The following ST7 variants were observed in gnomAD, a reference collection of about 807,000 sequenced individuals.
The protein encoded by ST7 is suppression of tumorigenicity 7, also known as suppressor of tumorigenicity 7 protein.
In ST7, 28 loss-of-function variants were observed where a neutral mutation model predicts 78.7. That is an observed-to-expected ratio of 0.36 (90% confidence interval 0.26 to 0.49). The LOEUF is 0.49. Among genes scored for constraint, ST7 ranks in the 20% least tolerant of loss-of-function variants. The pLI is 0.99. For missense variants in ST7, 418 were observed against 696.0 expected (o/e 0.60, Z 4.49); for synonymous variants, 247 against 249.6 (o/e 0.99, Z 0.10).
chr7:117,052,183 C>T (rs973535682), intron 1 of ST7, among the ~76,000 whole-genome samples: 1 of 152,174 alleles, frequency 6.6e-6, no homozygotes, highest in Non-Finnish European at 1.5e-5. Context: ...AACTCCATCA[C>T]TTATTGCTGT....
At chr7:117,188,548 T>G (rs1435718619) in intron 10 of ST7, among the ~76,000 whole-genome samples, 1 of 152,202 alleles carries the variant, frequency 6.6e-6, no homozygotes, top group East Asian at 1.9e-4. Context: ...TACCCTGTGC[T>G]TTCACTTTCC....
At chr7:117,059,992 A>G (rs907097320) in intron 1 of ST7, among the ~76,000 whole-genome samples, 3 of 151,944 alleles carry the variant, frequency 2.0e-5, no homozygotes, top group African/African-American at 7.3e-5. Context: ...CAAAAAATCA[A>G]ATTCTCATAT....
intron 1 of ST7, among the ~76,000 whole-genome samples, chr7:116,988,026 C>G (rs1446704219): frequency 6.6e-6 from 1 of 152,178 alleles, no homozygotes; most frequent in African/African-American, 2.4e-5. Flanking sequence ...TGCACCCAGC[C>G]CACCTTTTCT....
intron 1 of ST7, among the ~76,000 whole-genome samples, chr7:117,094,845 T>G (rs867851301): frequency 6.6e-6 from 1 of 152,310 alleles, no homozygotes; most frequent in African/African-American, 2.4e-5. Context: ...ATAACTTAGT[T>G]TCTCTAAACT....
chr7:117,049,487 C>G (rs1266088307), intron 1 of ST7, among the ~76,000 whole-genome samples: 1 of 152,204 alleles, frequency 6.6e-6, no homozygotes, highest in Admixed American at 6.5e-5. Flanking sequence ...GATCCTTCAT[C>G]TTCCTTTTGC....
At position 117,221,945 on chromosome 7, in the gene ST7, C is replaced by A; in HGVS notation, c.1521C>A (p.Tyr507Ter). The change falls in exon 15 of 16, where the codon TAC (tyrosine) becomes TAA (stop). Residue 507 changes from tyrosine (Y) to a stop codon, truncating the protein, a stop_gained. Coordinates refer to ENST00000323984, the MANE Select transcript of ST7 (RefSeq NM_001369598.1). LOFTEE classifies it high-confidence loss of function. ...LLPSFHEVSV[Y>*]PKKELPFFIL... is the part of the protein sequence containing the mutation. ...CAGCTTTCCATGAAGTCTCAGTTTA[C>A]CCAAAGAAGGAGCTTCCCTTCTTTA... 1 of 1,611,636 alleles carries A rather than the reference C, an allele frequency of 6.2e-7. No individual in the cohort carries two copies. Among genetic ancestry groups the A allele is most frequent in the Non-Finnish European group, 8.5e-7 (1 of 1,179,052 alleles).
intron 12 of ST7, 90 bp downstream of exon 12, chr7:117,191,026 TA>T: frequency 1.1e-5 from 11 of 1,045,860 alleles, no homozygotes; most frequent in Admixed American, 6.0e-5. Context: ...ACACCGCTTA[TA>T]AAAAAATGAA....
chr7:117,027,463 A>AAAAGTAAAGTAAAGT (rs71148357), intron 1 of ST7, among the ~76,000 whole-genome samples: 4,207 of 140,730 alleles, frequency 0.03, 132 homozygotes, highest in Admixed American at 0.067. Context: ...AAAGTAAAGT[A>AAAAGTAAAGTAAAGT]AAAGTAAAGT....
At chr7:117,161,591 C>CTTTTTTTTTTTTTTTTTT (rs60505994) in intron 9 of ST7, among the ~76,000 whole-genome samples, 7 of 113,590 alleles carry the variant, frequency 6.2e-5, no homozygotes, top group Admixed American at 1.1e-4. Flanking sequence ...TTCTTTCTTT[C>CTTTTTTTTTTTTTTTTTT]TTTTTTTTTT....
rs1230104249 is a variant in ST7 at position 117,076,895 on chromosome 7, G to A, written c.152-22867G>A. Among the ~76,000 whole-genome samples the A allele has an allele frequency of 7.9e-5, 12 of 152,220 alleles. 1 individual carries two copies. In the East Asian group the frequency reaches 2.1e-3, roughly 27 times the overall value. On this transcript the variant is annotated intron_variant, in intron 1 of 15. Coordinates refer to ENST00000323984, the MANE Select transcript of ST7 (RefSeq NM_001369598.1). The stretch of plus-strand genomic sequence containing the variant: ...GTGAGGGCAAAGGGCCAGTGTGACA[G>A]CCTTTTGTATCTGCATTCATGGCTC...
chr7:116,999,567 C>G (rs1269499819), intron 1 of ST7, among the ~76,000 whole-genome samples: 1 of 152,190 alleles, frequency 6.6e-6, no homozygotes, highest in Non-Finnish European at 1.5e-5. Flanking sequence ...TGATGGCATA[C>G]CAGCCACTGG....
At chr7:117,007,606 A>C (rs1795208189) in intron 1 of ST7, among the ~76,000 whole-genome samples, 1 of 152,228 alleles carries the variant, frequency 6.6e-6, no homozygotes, top group Non-Finnish European at 1.5e-5. Flanking sequence ...ACAGATTTTC[A>C]GTGTAGGTGA....
chr7:117,074,795 T>C (rs1306154849), intron 1 of ST7: 2 of 152,248 alleles, frequency 1.3e-5, no homozygotes, highest in Non-Finnish European at 2.9e-5. Context: ...GATTGGCTTC[T>C]CCTAAGACAT....
intron 1 of ST7, among the ~76,000 whole-genome samples, chr7:117,080,306 C>T (rs1222898823): frequency 6.6e-6 from 1 of 152,104 alleles, no homozygotes; most frequent in Non-Finnish European, 1.5e-5. Flanking sequence ...AACGTATCAT[C>T]TATACACTTT....
intron 9 of ST7, among the ~76,000 whole-genome samples, chr7:117,145,006 C>T (rs1363899935): frequency 1.3e-5 from 2 of 152,024 alleles, no homozygotes; most frequent in Admixed American, 6.5e-5. Flanking sequence ...TTGAGACCAG[C>T]GTGGGCAACG....
chr7:117,085,451 C>G (rs534518811), intron 1 of ST7, among the ~76,000 whole-genome samples: 1 of 152,274 alleles, frequency 6.6e-6, no homozygotes, highest in African/African-American at 2.4e-5. Flanking sequence ...TAATGACATG[C>G]CTCTCTGCTT....
intron 2 of ST7, among the ~76,000 whole-genome samples, chr7:117,111,700 C>T (rs1027765142): frequency 6.6e-6 from 1 of 152,166 alleles, no homozygotes; most frequent in Non-Finnish European, 1.5e-5. Flanking sequence ...TTGGCACAAG[C>T]CTTCCCATCC....
At chr7:116,997,622 C>T (rs1794727031) in intron 1 of ST7, among the ~76,000 whole-genome samples, 1 of 151,876 alleles carries the variant, frequency 6.6e-6, no homozygotes, top group Admixed American at 6.6e-5. Context: ...TTCTCCAAGT[C>T]TCCACTAGAT....
chr7:117,077,844 CTTTTTTTTT>C (rs1186348708), intron 1 of ST7, among the ~76,000 whole-genome samples: 216 of 120,914 alleles, frequency 1.8e-3, no homozygotes, highest in African/African-American at 6.2e-3. Flanking sequence ...TGATTTCTTT[CTTTTTTTTT>C]TTTTTTTTTT....
Sources: gnomAD v4.1 joint callset for allele counts (sites outside exome capture counted in the v4.1 genomes callset) on GRCh38, gnomAD v4.1.1 for gene constraint, MANE v1.5 for transcripts, NCBI Gene and HGNC (gene_info 2026-07-23, HGNC 2026-07-21) for gene names.